The following GRM7 variants were observed in gnomAD, a reference collection of about 807,000 sequenced individuals.
GRM7 encodes glutamate metabotropic receptor 7, also known as metabotropic glutamate receptor 7.
A neutral mutation model predicts 84.5 loss-of-function variants in GRM7; 35 were observed. The ratio of observed to expected loss-of-function variants is 0.41; its 90% CI spans 0.32 to 0.55. The LOEUF (loss-of-function observed/expected upper bound fraction) is 0.55. Ranked by LOEUF, GRM7 falls within the 20% of genes least tolerant of loss-of-function variation. The pLI, the probability that GRM7 is intolerant of heterozygous loss-of-function variation, is 0.19. For missense variants in GRM7, 1,003 were observed against 1,194.6 expected (o/e 0.84, Z 2.36); for synonymous variants, 487 against 455.1 (o/e 1.07, Z -0.89).
intron 4 of GRM7, among the ~76,000 whole-genome samples, chr3:7,394,599 T>C (rs1695133035): frequency 1.3e-5 from 2 of 151,740 alleles, no homozygotes; most frequent in Admixed American, 1.3e-4. Flanking sequence ...TTTCATCTTC[T>C]TTTTTCCTCC....
chr3:7,062,187 G>A (rs1026640728), intron 1 of GRM7, among the ~76,000 whole-genome samples: 1 of 151,748 alleles, frequency 6.6e-6, no homozygotes, highest in Admixed American at 6.6e-5. Context: ...AAGCATCTTG[G>A]ATTGTTTGGA....
intron 1 of GRM7, among the ~76,000 whole-genome samples, chr3:6,998,557 T>C (rs1332344686): frequency 6.6e-6 from 1 of 152,228 alleles, no homozygotes; most frequent in Non-Finnish European, 1.5e-5. Flanking sequence ...CAACTCTGCA[T>C]TTCCCTTCTG....
At chr3:7,193,873 C>T (rs1354530722) in intron 2 of GRM7, among the ~76,000 whole-genome samples, 2 of 152,050 alleles carry the variant, frequency 1.3e-5, no homozygotes, top group Admixed American at 6.6e-5. Context: ...TAGCACCAGA[C>T]GTCAGTGAGA....
intron 2 of GRM7, among the ~76,000 whole-genome samples, chr3:7,293,100 G>A (rs1291665998): frequency 6.6e-6 from 1 of 151,294 alleles, no homozygotes. Flanking sequence ...AAATAAAATT[G>A]GCATATCTAA....
At chr3:7,286,330 G>T (rs1246100208) in intron 2 of GRM7, among the ~76,000 whole-genome samples, 1 of 152,134 alleles carries the variant, frequency 6.6e-6, no homozygotes, top group Non-Finnish European at 1.5e-5. Context: ...TGAGCTTCAT[G>T]TAATTTCTGA....
At chr3:7,213,229 G>A (rs1010073813) in intron 2 of GRM7, among the ~76,000 whole-genome samples, 8 of 152,090 alleles carry the variant, frequency 5.3e-5, no homozygotes, top group Non-Finnish European at 8.8e-5. Context: ...AGAAGGTATT[G>A]TTTTATCATC....
At chr3:7,266,194 T>C (rs1304058461) in intron 2 of GRM7, among the ~76,000 whole-genome samples, 1 of 152,168 alleles carries the variant, frequency 6.6e-6, no homozygotes, top group Non-Finnish European at 1.5e-5. Flanking sequence ...TAGTTCATTG[T>C]TCAAGGGAAA....
chr3:7,539,684 A>C (rs962694579), intron 7 of GRM7, among the ~76,000 whole-genome samples: 1 of 151,704 alleles, frequency 6.6e-6, no homozygotes. Flanking sequence ...CAAAAAAAAA[A>C]AAAAAAAAAA....
At chr3:6,976,955 G>A (rs1006266090) in intron 1 of GRM7, among the ~76,000 whole-genome samples, 1 of 152,142 alleles carries the variant, frequency 6.6e-6, no homozygotes, top group Non-Finnish European at 1.5e-5. Context: ...CTGGTCCCTA[G>A]AATGCAGTGA....
chr3:7,116,406 G>A (rs1247001256), intron 1 of GRM7, among the ~76,000 whole-genome samples: 1 of 152,122 alleles, frequency 6.6e-6, no homozygotes, highest in Admixed American at 6.6e-5. Context: ...GCCCACAGAT[G>A]AGGAAACTGA....
At chr3:6,935,045 A>T (rs1018170068) in intron 1 of GRM7, among the ~76,000 whole-genome samples, 1 of 152,212 alleles carries the variant, frequency 6.6e-6, no homozygotes, top group Non-Finnish European at 1.5e-5. Flanking sequence ...AACTTATTTC[A>T]TCTTGCATCC....
At chr3:7,387,772 T>A (rs1481930138) in intron 4 of GRM7, among the ~76,000 whole-genome samples, 5 of 152,180 alleles carry the variant, frequency 3.3e-5, no homozygotes, top group African/African-American at 1.2e-4. Flanking sequence ...CTATTCAGGC[T>A]CTTTTTTGGT....
At chr3:6,960,322 T>C (rs1404933994) in intron 1 of GRM7, among the ~76,000 whole-genome samples, 1 of 152,154 alleles carries the variant, frequency 6.6e-6, no homozygotes, top group Admixed American at 6.6e-5. Flanking sequence ...AGCTCTCTTT[T>C]CCAGCTATGA....
At chr3:6,877,286 A>T (rs1249786038) in intron 1 of GRM7, among the ~76,000 whole-genome samples, 1 of 152,136 alleles carries the variant, frequency 6.6e-6, no homozygotes, top group African/African-American at 2.4e-5. Flanking sequence ...ACAGTGTCAA[A>T]ACCAAGACAA....
chr3:7,111,748 T>C (rs1315791170), intron 1 of GRM7, among the ~76,000 whole-genome samples: 1 of 152,194 alleles, frequency 6.6e-6, no homozygotes. Flanking sequence ...AAAGTACATG[T>C]ATCACAGCTT....
chr3:7,116,365 A>T (rs1428811448), intron 1 of GRM7, among the ~76,000 whole-genome samples: 2 of 152,146 alleles, frequency 1.3e-5, no homozygotes, highest in African/African-American at 4.8e-5. Context: ...TTCTATTTGC[A>T]TATTGAATAT....
chr3:6,863,397 G>T lies in GRM7; in HGVS notation c.519+1490G>T, dbSNP rs1463996993. ...GTGTTGGGCTTCAGAAGGGGACTCT[G>T]TGAGACCCAGGCTGTCATCACATCA... On this transcript the variant is annotated intron_variant, in intron 1 of 9. Transcript: ENST00000357716. The surrounding 1 kb of genome is among the most constrained non-coding windows in gnomAD (Gnocchi z 4.8). Among the ~76,000 whole-genome samples, 1 of 152,124 alleles carries T rather than the reference G, an allele frequency of 6.6e-6. No individual in the cohort carries two copies. Among genetic ancestry groups the T allele is most frequent in the Non-Finnish European group, 1.5e-5 (1 of 68,024 alleles).
chr3:6,999,179 C>G (rs956525435), intron 1 of GRM7, among the ~76,000 whole-genome samples: 28 of 152,172 alleles, frequency 1.8e-4, no homozygotes, highest in Admixed American at 1.4e-3. Context: ...CCACAAATCT[C>G]TAGGGCAGGG....
At chr3:7,152,181 T>C (rs1694307663) in intron 2 of GRM7, among the ~76,000 whole-genome samples, 1 of 152,188 alleles carries the variant, frequency 6.6e-6, no homozygotes, top group African/African-American at 2.4e-5. Flanking sequence ...TAGCACAACA[T>C]TTCAGCTTTT....
Sources: allele counts gnomAD v4.1 joint callset (sites outside exome capture counted in the v4.1 genomes callset), GRCh38; gene constraint gnomAD v4.1.1; non-coding constraint Gnocchi (gnomAD v3.1); transcripts MANE v1.5; gene names NCBI Gene and HGNC (gene_info 2026-07-23, HGNC 2026-07-21).